The following PDE4D variants were observed in gnomAD, a reference collection of about 807,000 sequenced individuals.
PDE4D encodes the protein phosphodiesterase 4D.
Under a neutral mutation model 87.4 loss-of-function variants are expected in PDE4D, and 24 were observed. The observed-to-expected ratio is 0.27, with a 90% CI of 0.20 to 0.39. The LOEUF (loss-of-function observed/expected upper bound fraction) is 0.39. PDE4D is among the 10% of genes least tolerant of loss of function. The pLI is 1.00. For missense variants in PDE4D, 714 were observed against 1,041.0 expected (o/e 0.69, Z 4.32); for synonymous variants, 384 against 383.2 (o/e 1.00, Z -0.02).
At chr5:59,089,519 T>G (rs1768313132) in intron 5 of PDE4D, among the ~76,000 whole-genome samples, 1 of 152,176 alleles carries the variant, frequency 6.6e-6, no homozygotes, top group Non-Finnish European at 1.5e-5. Context: ...ACTCATTGAA[T>G]TTTCACAACT....
In PDE4D at chr5:59,327,920, AG is replaced by A. The variant is rs1323489575; in HGVS notation, c.456-111953del. 7.2e-5 allele frequency among the ~76,000 whole-genome samples: 11 copies of A among 152,242 alleles called. No individual in the cohort carries two copies. In the East Asian group the frequency reaches 2.1e-3, roughly 29 times the overall value. On this transcript the variant is annotated intron_variant, in intron 1 of 14. Coordinates refer to ENST00000340635, the MANE Select transcript of PDE4D (RefSeq NM_001104631.2). ...GCTCTGTATATTCTAGAGGTGGATA[AG>A]GGGGATCAAATGAGATAATGGTAAG...
chr5:59,715,536 A>G (rs1298159328), intron 1 of PDE4D, among the ~76,000 whole-genome samples: 1 of 152,210 alleles, frequency 6.6e-6, no homozygotes, highest in Non-Finnish European at 1.5e-5. Flanking sequence ...CTGAAGTCAG[A>G]GCAATATGAA....
At chr5:59,727,317 C>A (rs1561547989) in intron 1 of PDE4D, among the ~76,000 whole-genome samples, 1 of 152,056 alleles carries the variant, frequency 6.6e-6, no homozygotes, top group Non-Finnish European at 1.5e-5. Flanking sequence ...TGAAAATAGA[C>A]AGTTGGTTCA....
rs1343961330 is a variant in PDE4D at position 59,399,787 on chromosome 5, G to C, written c.456-183819C>G. ...CAGCAAAAGAAACTACCATCAGAGT[G>C]AACAGGCAACCTAGAAAATGGGAGA... On this transcript the variant is annotated intron_variant, in intron 1 of 14. Transcript: ENST00000340635. 3.7e-5 allele frequency among the ~76,000 whole-genome samples: 4 copies of C among 108,906 alleles called. 1 individual carries two copies. The highest frequency in any genetic ancestry group is 2.9e-4 in the East Asian group (1 of 3,464). 71.4% of individuals were successfully genotyped at this position (108,906 alleles called of 152,430 possible). A position where few individuals can be genotyped will look rare whatever the true frequency, so the allele number is the denominator to read the frequency against.
chr5:59,149,706 G>GTTTTTTTT lies in PDE4D; in HGVS notation c.808+30881_808+30888dup, dbSNP rs76421367. On this transcript the variant is annotated intron_variant, in intron 5 of 14. Transcript: ENST00000340635. The stretch of plus-strand genomic sequence containing the variant: ...TTTGCCTTTCTCCCTCTCTCCTCGA[G>GTTTTTTTT]TTTTTTTTTTTTTTTTTTTTTTTTC... Among the ~76,000 whole-genome samples the GTTTTTTTT allele has an allele frequency of 4.4e-3, 306 of 69,268 alleles. 51 individuals are homozygous for GTTTTTTTT. The highest frequency in any genetic ancestry group is 0.012 in the Middle Eastern group (1 of 86). The allele number at this position is 69,268 out of a possible 152,430, so 45.4% of individuals were successfully genotyped here.
intron 1 of PDE4D, among the ~76,000 whole-genome samples, chr5:60,479,749 T>C (rs1175905078): frequency 6.6e-6 from 1 of 152,186 alleles, no homozygotes; most frequent in Non-Finnish European, 1.5e-5. Context: ...AATAAAACTT[T>C]ATTTACAAAA....
At chr5:59,653,229 CAG>C (rs779245533) in intron 1 of PDE4D, among the ~76,000 whole-genome samples, 75 of 20,952 alleles carry the variant, frequency 3.6e-3, no homozygotes, top group Non-Finnish European at 3.6e-3. Context: ...TTTTTTTAGA[CAG>C]AGTTTCACTC....
intron 1 of PDE4D, among the ~76,000 whole-genome samples, chr5:59,384,557 C>T (rs1786579807): frequency 6.6e-6 from 1 of 151,728 alleles, no homozygotes; most frequent in African/African-American, 2.4e-5. Context: ...TTTGTTGTTA[C>T]AAGATTTAGA....
intron 1 of PDE4D, among the ~76,000 whole-genome samples, chr5:60,322,633 C>A (rs1437975865): frequency 1.3e-5 from 2 of 152,276 alleles, no homozygotes; most frequent in South Asian, 2.1e-4. Context: ...CTAACACTAC[C>A]CGTTACCTAT....
chr5:59,205,193 G>A (rs991066795), intron 2 of PDE4D, among the ~76,000 whole-genome samples: 1 of 142,458 alleles, frequency 7.0e-6, no homozygotes, highest in African/African-American at 2.6e-5. Context: ...CATGGACCAT[G>A]CAGTGAGATT....
At chr5:59,661,829 T>C (rs1202127080) in intron 1 of PDE4D, among the ~76,000 whole-genome samples, 1 of 152,220 alleles carries the variant, frequency 6.6e-6, no homozygotes, top group Non-Finnish European at 1.5e-5. Context: ...TAGGCCAGGA[T>C]AAAGCTGTGG....
intron 1 of PDE4D, among the ~76,000 whole-genome samples, chr5:59,872,976 T>C (rs563936666): frequency 9.2e-5 from 14 of 152,312 alleles, no homozygotes; most frequent in African/African-American, 2.9e-4. Context: ...TCTCTGAATG[T>C]GCTTGTGCGC....
chr5:59,500,046 C>T (rs140496950), intron 1 of PDE4D, among the ~76,000 whole-genome samples: 1 of 152,074 alleles, frequency 6.6e-6, no homozygotes, highest in Non-Finnish European at 1.5e-5. Context: ...CACACTCAAC[C>T]AATGAGATAC....
chr5:59,625,266 G>A (rs1463083350), intron 1 of PDE4D, among the ~76,000 whole-genome samples: 2 of 152,128 alleles, frequency 1.3e-5, no homozygotes, highest in Non-Finnish European at 2.9e-5. Context: ...TCCAAGAGTG[G>A]CCTCTAGAAG....
In PDE4D at chr5:60,407,669, T is replaced by C. The variant is rs1048352990; in HGVS notation, c.-90+80273A>G. ...GGTTTCACCACATTGGCCAGGCTGG[T>C]CATAAACTCCTGACCTCAGGTGATC... is the stretch of plus-strand genomic sequence containing the variant. On this transcript the variant is annotated intron_variant, in intron 1 of 16. Transcript: ENST00000502484. Among the ~76,000 whole-genome samples, 4 of 151,870 alleles carry C rather than the reference T, an allele frequency of 2.6e-5. No individual in the cohort carries two copies. In the South Asian group the frequency reaches 6.2e-4, roughly 24 times the overall value.
At chr5:59,025,824 C>G (rs1319849963) in intron 6 of PDE4D, among the ~76,000 whole-genome samples, 1 of 152,230 alleles carries the variant, frequency 6.6e-6, no homozygotes, top group Non-Finnish European at 1.5e-5. Flanking sequence ...GCTATGGACA[C>G]ATCCCCAGCA....
At chr5:60,400,748 A>G (rs967035057) in intron 1 of PDE4D, among the ~76,000 whole-genome samples, 1 of 151,394 alleles carries the variant, frequency 6.6e-6, no homozygotes, top group Admixed American at 6.6e-5. Flanking sequence ...GCTGACCAAC[A>G]TGGTGAAACT....
intron 1 of PDE4D, among the ~76,000 whole-genome samples, chr5:59,482,373 G>A (rs1045323884): frequency 3.3e-5 from 5 of 152,262 alleles, no homozygotes; most frequent in African/African-American, 1.2e-4. Context: ...AATGAGAAGA[G>A]CCACTTATTG....
chr5:59,029,127 G>A (rs936235625), intron 6 of PDE4D, among the ~76,000 whole-genome samples: 3 of 151,734 alleles, frequency 2.0e-5, no homozygotes, highest in African/African-American at 7.3e-5. Context: ...AAATACTTAG[G>A]AGCAGCCAGG....
Sources: allele counts gnomAD v4.1 joint callset (sites outside exome capture counted in the v4.1 genomes callset), GRCh38; gene constraint gnomAD v4.1.1; transcripts MANE v1.5; gene names NCBI Gene and HGNC (gene_info 2026-07-23, HGNC 2026-07-21).